WDR1: variants seen among roughly 807,000 people sequenced by gnomAD.
WDR1 encodes WD repeat-containing protein 1.
In WDR1, 21 loss-of-function variants were observed where a neutral mutation model predicts 71.9. The observed-to-expected ratio is 0.29, with a 90% CI of 0.21 to 0.42. The LOEUF is 0.42. WDR1 is among the 10% of genes least tolerant of loss of function. WDR1 has a pLI of 1.00. For synonymous variants in WDR1, 424 were observed against 347.4 expected (o/e 1.22, Z -2.45); for missense variants, 696 against 824.5 (o/e 0.84, Z 1.91).
At chr4:10,084,337 CT>C in intron 9 of WDR1, 105 bp downstream of exon 9, 1 of 1,007,710 alleles carries the variant, frequency 9.9e-7, no homozygotes. Flanking sequence ...GTGGCTGTGG[CT>C]GCAGCTGGAG....
intron 2 of WDR1, among the ~76,000 whole-genome samples, chr4:10,104,216 T>C (rs1168934893): frequency 6.6e-6 from 1 of 152,228 alleles, no homozygotes; most frequent in East Asian, 1.9e-4. Context: ...AGTCTATGAC[T>C]GTACAACAAG....
intron 11 of WDR1, among the ~76,000 whole-genome samples, chr4:10,079,468 C>T (rs188898275): frequency 3.9e-5 from 6 of 152,248 alleles, no homozygotes; most frequent in East Asian, 1.9e-4. Context: ...TTATGCTGCA[C>T]GCCCAAGGCT....
At chr4:10,115,444 A>T (rs796517841) in intron 2 of WDR1, among the ~76,000 whole-genome samples, 1 of 152,212 alleles carries the variant, frequency 6.6e-6, no homozygotes, top group Non-Finnish European at 1.5e-5. Flanking sequence ...GCTTAGATCC[A>T]TGGTGGCAGA....
At position 10,079,577 on chromosome 4, in the gene WDR1, G is replaced by T. The variant is rs7685806; in HGVS notation, c.1285-576C>A. 2.0e-5 allele frequency among the ~76,000 whole-genome samples: 3 copies of T among 152,072 alleles called. No homozygotes were observed. The East Asian group carries it at 5.8e-4, about 29-fold the overall frequency. ...GTACATGCAGCAGAGGCTCTGCAGC[G>T]GGGGCCTTCCTTCCATCTCCCTTCC... On this transcript the variant is annotated intron_variant, in intron 11 of 14. Transcript: ENST00000499869.
rs1712457583 is a variant in WDR1 at position 10,098,017 on chromosome 4, C to G, written c.378-126G>C. The G allele has an allele frequency of 9.5e-6, 9 of 945,622 alleles. No homozygotes were observed. In the South Asian group the frequency reaches 1.5e-4, roughly 16 times the overall value. The allele number at this position is 945,622 out of a possible 1,614,324, so 58.6% of individuals were successfully genotyped here. A position where few individuals can be genotyped will look rare whatever the true frequency, so the allele number is the denominator to read the frequency against. ...ATGGAGTGACTGTCAGCAGGCAGCT[C>G]AGAACGCCACAGGGACAAATGAGGG... On this transcript the variant is annotated intron_variant, in intron 4 of 14. Transcript: ENST00000499869.
chr4:10,075,538 A>T, intron 14 of WDR1, 54 bp from the exon 15 acceptor site: 1 of 1,514,686 alleles, frequency 6.6e-7, no homozygotes, highest in South Asian at 1.2e-5. Flanking sequence ...GCAACTATGT[A>T]CATCTTGGAC....
At chr4:10,114,372 C>G (rs1713577603) in intron 2 of WDR1, among the ~76,000 whole-genome samples, 1 of 152,188 alleles carries the variant, frequency 6.6e-6, no homozygotes, top group African/African-American at 2.4e-5. Context: ...CCATTAGAAG[C>G]AGCTCCAGTT....
chr4:10,099,173 GCGGT>G, intron 3 of WDR1, 34 bp from the exon 4 acceptor site: 7 of 1,252,526 alleles, frequency 5.6e-6, no homozygotes, highest in Admixed American at 4.3e-5. Context: ...AGGGGGGGAG[GCGGT>G]GGTGGGGTAA....
chr4:10,109,547 GCCGCCATGCCCTGAACGACTTTCCCCT>G (rs1713222006), intron 2 of WDR1, among the ~76,000 whole-genome samples: 1 of 152,234 alleles, frequency 6.6e-6, no homozygotes, highest in Non-Finnish European at 1.5e-5. Flanking sequence ...TCACTCACAG[GCCGCCATGCCCTGAACGACTTTCCCCT>G]CCTGCCTCCC....
chr4:10,082,436 C>T (rs1266146669), intron 10 of WDR1, among the ~76,000 whole-genome samples: 1 of 152,176 alleles, frequency 6.6e-6, no homozygotes, highest in East Asian at 1.9e-4. Context: ...GCAGTGGCCT[C>T]GTCAGGTCCT....
intron 3 of WDR1, 33 bp downstream of exon 3, chr4:10,103,863 C>A (rs1560543513): frequency 1.9e-6 from 3 of 1,553,444 alleles, no homozygotes; most frequent in South Asian, 2.4e-5. Flanking sequence ...CAGGCCCCCA[C>A]AGGTGTCCAC....
At chr4:10,084,874 G>A (rs977082449) in intron 8 of WDR1, among the ~76,000 whole-genome samples, 4 of 152,200 alleles carry the variant, frequency 2.6e-5, no homozygotes, top group Non-Finnish European at 4.4e-5. Flanking sequence ...CCTGCACCCC[G>A]CCGACCAGCA....
chr4:10,080,470 GCAATAA>G (rs2109639922), intron 11 of WDR1, among the ~76,000 whole-genome samples: 2 of 152,322 alleles, frequency 1.3e-5, no homozygotes, highest in East Asian at 3.9e-4. Context: ...CAGGCTGTTT[GCAATAA>G]TTACTTGGCA....
intron 3 of WDR1, 21 bp from the exon 4 acceptor site, chr4:10,099,160 GGGAGGGGGGGAGGC>G: frequency 1.4e-6 from 2 of 1,429,024 alleles, no homozygotes; most frequent in Non-Finnish European, 1.9e-6. Flanking sequence ...CAGCGGGCGG[GGGAGGGGGGGAGGC>G]GGTGGTGGGG....
chr4:10,090,244 C>T (rs1298976886), intron 5 of WDR1, among the ~76,000 whole-genome samples: 1 of 152,206 alleles, frequency 6.6e-6, no homozygotes, highest in Non-Finnish European at 1.5e-5. Flanking sequence ...GGCACACTAA[C>T]ACATGTCATC....
chr4:10,116,315 G>C (rs371112984), intron 1 of WDR1, 81 bp from the exon 2 acceptor site: 7 of 1,579,618 alleles, frequency 4.4e-6, no homozygotes, highest in Non-Finnish European at 5.2e-6. Flanking sequence ...GCCCCGGACC[G>C]GTCTCGGCCG....
At chr4:10,094,510 G>A (rs2278121) in intron 5 of WDR1, among the ~76,000 whole-genome samples, 67,823 of 152,042 alleles carry the variant, frequency 0.45, 15,440 homozygotes, top group Admixed American at 0.54. Flanking sequence ...GGGGAAGGCA[G>A]GGAGATGGTC....
chr4:10,088,786 A>C, intron 5 of WDR1, 45 bp from the exon 6 acceptor site: 1 of 1,447,050 alleles, frequency 6.9e-7, no homozygotes, highest in Non-Finnish European at 9.5e-7. Context: ...CGCAGGCCTG[A>C]CTCTAGGTTC....
At chr4:10,085,630 A>G (rs923963453) in intron 8 of WDR1, among the ~76,000 whole-genome samples, 2 of 152,210 alleles carry the variant, frequency 1.3e-5, no homozygotes, top group Admixed American at 6.5e-5. Context: ...CCTTGAACTT[A>G]CCAGAAACAC....
Sources: gnomAD v4.1 joint callset for allele counts (sites outside exome capture counted in the v4.1 genomes callset) on GRCh38, gnomAD v4.1.1 for gene constraint, MANE v1.5 for transcripts, NCBI Gene and HGNC (gene_info 2026-07-23, HGNC 2026-07-21) for gene names.